Variants in AGBL3 observed in about 807,000 individuals in gnomAD.
AGBL3 encodes AGBL carboxypeptidase 3.
Under a neutral mutation model 94.5 loss-of-function variants are expected in AGBL3, and 68 were observed. That is an observed-to-expected ratio of 0.72 (90% confidence interval 0.59 to 0.88). The LOEUF is 0.88. Ranked by LOEUF, AGBL3 falls within the 40% of genes least tolerant of loss-of-function variation. The probability of loss-of-function intolerance (pLI) is 0.00; values close to 1 mark genes in which losing one functional copy is unlikely to be tolerated. For missense variants in AGBL3, 934 were observed against 1,103.8 expected (o/e 0.85, Z 2.18); for synonymous variants, 354 against 370.7 (o/e 0.95, Z 0.52).
chr7:135,085,559 T>G (rs1821271543), intron 15 of AGBL3, among the ~76,000 whole-genome samples: 1 of 152,116 alleles, frequency 6.6e-6, no homozygotes, highest in Non-Finnish European at 1.5e-5. Context: ...TTCATTTTTC[T>G]GTGTATTGAT....
chr7:135,014,850 CTT>C (rs1335043110), intron 4 of AGBL3, among the ~76,000 whole-genome samples: 1 of 152,184 alleles, frequency 6.6e-6, no homozygotes, highest in Non-Finnish European at 1.5e-5. Flanking sequence ...GGGAACATGA[CTT>C]TGACTAAAGG....
At chr7:135,001,281 G>T (rs1269062349) in intron 4 of AGBL3, among the ~76,000 whole-genome samples, 1 of 152,100 alleles carries the variant, frequency 6.6e-6, no homozygotes, top group Admixed American at 6.5e-5. Context: ...GCATTGGTCT[G>T]CCATGTCAAA....
chr7:135,102,723 A>G (rs1261040586), intron 15 of AGBL3, among the ~76,000 whole-genome samples: 1 of 151,764 alleles, frequency 6.6e-6, no homozygotes, highest in African/African-American at 2.4e-5. Context: ...AAATATTCAT[A>G]TAAAAATTAA....
chr7:135,034,822 G>C lies in AGBL3; in HGVS notation c.1231G>C (p.Gly411Arg). Reference protein sequence around the residue: ...PMLNPDGVIVGNYRCSLAGRD... With the variant: ...PMLNPDGVIVRNYRCSLAGRD... ...GCTCAATCCAGATGGTGTGATTGTG[G>C]GAAATTATCGCTGTTCCTTAGCTGG... Residue 411 changes from glycine (G) to arginine (R), a missense_variant, in exon 7 of 17, where the codon GGA becomes CGA. By Grantham distance (125) the Gly-to-Arg change is moderately radical. Around this residue, in one of 3 missense-constraint regions of AGBL3, gnomAD observed 488 missense variants for 563.6 expected, o/e 0.87. Transcript: ENST00000436302. 6.4e-7 allele frequency: 1 copy of C among 1,552,078 alleles called. No individual in the cohort carries two copies. Among genetic ancestry groups the C allele is most frequent in the Non-Finnish European group, 8.7e-7 (1 of 1,147,170 alleles).
chr7:135,032,412 C>T (rs983996380), intron 5 of AGBL3, among the ~76,000 whole-genome samples: 2 of 152,002 alleles, frequency 1.3e-5, no homozygotes, highest in African/African-American at 2.4e-5. Flanking sequence ...TCAAGCGATT[C>T]TCCTGCCTCA....
chr7:135,091,248 T>G (rs1821814576), intron 15 of AGBL3, among the ~76,000 whole-genome samples: 1 of 152,156 alleles, frequency 6.6e-6, no homozygotes, highest in Non-Finnish European at 1.5e-5. Flanking sequence ...ACTCCTCTCA[T>G]GCACTCTGGT....
intron 7 of AGBL3, 137 bp downstream of exon 7, chr7:135,035,065 G>GTT: frequency 1.3e-6 from 1 of 783,746 alleles, no homozygotes; most frequent in Non-Finnish European, 1.8e-6. Context: ...TTTTTTCCCC[G>GTT]TTATTCACAA....
chr7:134,998,034 G>A (rs566749479), intron 4 of AGBL3, among the ~76,000 whole-genome samples: 14 of 152,240 alleles, frequency 9.2e-5, no homozygotes, highest in African/African-American at 3.4e-4. Flanking sequence ...CAAGGAGGCC[G>A]TGATTCAATT....
At chr7:135,027,316 AG>A (rs1815256786) in intron 5 of AGBL3, among the ~76,000 whole-genome samples, 1 of 151,706 alleles carries the variant, frequency 6.6e-6, no homozygotes, top group Non-Finnish European at 1.5e-5. Context: ...CCAAAGTGCT[AG>A]GATTACAGGC....
intron 4 of AGBL3, among the ~76,000 whole-genome samples, chr7:134,997,525 G>A (rs992784772): frequency 1.3e-5 from 2 of 152,152 alleles, no homozygotes; most frequent in African/African-American, 4.8e-5. Context: ...TTGCAGGTTG[G>A]TTATATTTAC....
chr7:135,052,733 A>T (rs1817990809), intron 11 of AGBL3, among the ~76,000 whole-genome samples: 1 of 152,158 alleles, frequency 6.6e-6, no homozygotes, highest in Admixed American at 6.5e-5. Context: ...CAGAAGTGAG[A>T]TCAAATAAGA....
chr7:135,026,237 G>A (rs903204046), intron 5 of AGBL3, among the ~76,000 whole-genome samples: 2 of 12,830 alleles, frequency 1.6e-4, no homozygotes, highest in African/African-American at 2.6e-4. Context: ...AAATAGAAAT[G>A]AATACCATTA....
rs138769527 is a variant in AGBL3 at position 135,007,377 on chromosome 7, C to T, written c.311-9675C>T. ...ATCTATCCAGATATGTTGTTTGTTC[C>T]CTGTACCCAAAAATCAATTAATGTG... On this transcript the variant is annotated intron_variant, in intron 4 of 16. Transcript: ENST00000436302. 2.3e-3 allele frequency among the ~76,000 whole-genome samples: 346 copies of T among 151,812 alleles called. 1 individual carries two copies. The highest frequency in any genetic ancestry group is 7.6e-3 in the African/African-American group (317 of 41,484).
At chr7:135,038,032 T>C (rs1816478201) in intron 8 of AGBL3, among the ~76,000 whole-genome samples, 2 of 152,066 alleles carry the variant, frequency 1.3e-5, no homozygotes, top group South Asian at 4.1e-4. Flanking sequence ...TTAAAATATA[T>C]AGAAATTAGA....
chr7:135,051,246 A>G (rs1443520708), intron 11 of AGBL3: 1 of 201,938 alleles, frequency 5.0e-6, no homozygotes, highest in Admixed American at 6.3e-5. Flanking sequence ...TGCCCCTGCA[A>G]CCTTCCCTGG....
At chr7:135,053,817 A>T (rs1407057229) in intron 11 of AGBL3, among the ~76,000 whole-genome samples, 1 of 152,210 alleles carries the variant, frequency 6.6e-6, no homozygotes. Flanking sequence ...AATAAATAGG[A>T]AATGGACATT....
chr7:135,042,036 G>A (rs1259447322), intron 8 of AGBL3, among the ~76,000 whole-genome samples: 1 of 152,114 alleles, frequency 6.6e-6, no homozygotes, highest in Non-Finnish European at 1.5e-5. Context: ...GTTCTAATAA[G>A]AATTTGGAGT....
intron 15 of AGBL3, among the ~76,000 whole-genome samples, chr7:135,089,957 C>T (rs1821639358): frequency 6.6e-6 from 1 of 152,144 alleles, no homozygotes; most frequent in Non-Finnish European, 1.5e-5. Flanking sequence ...GGTTCCTCCA[C>T]AGAGCCAGGA....
chr7:135,133,466 A>C (rs1417192792), intron 16 of AGBL3, among the ~76,000 whole-genome samples: 1 of 152,230 alleles, frequency 6.6e-6, no homozygotes, highest in African/African-American at 2.4e-5. Context: ...AAAATAGCAA[A>C]AACAATTTTG....
Sources: gnomAD v4.1 joint callset for allele counts (sites outside exome capture counted in the v4.1 genomes callset) on GRCh38, gnomAD v4.1.1 for gene constraint, gnomAD v4.1.1 regional missense constraint, MANE v1.5 for transcripts, NCBI Gene and HGNC (gene_info 2026-07-23, HGNC 2026-07-21) for gene names.